TOP3B: variants seen among roughly 807,000 people sequenced by gnomAD.
TOP3B encodes DNA topoisomerase 3-beta-1.
TOP3B carries 45 observed loss-of-function variants against 93.9 expected under a neutral mutation model. The ratio of observed to expected loss-of-function variants is 0.48; its 90% CI spans 0.38 to 0.61. TOP3B has a LOEUF of 0.61. TOP3B is among the 20% of genes least tolerant of loss of function. The pLI is 0.00. For missense variants in TOP3B, 750 were observed against 1,156.1 expected (o/e 0.65, Z 5.09); for synonymous variants, 357 against 472.6 (o/e 0.76, Z 3.17).
In TOP3B at chr22:21,962,445, C is replaced by T. The variant is rs1379173617; in HGVS notation, c.1509G>A (p.Met503Ile). ...CGCACCCACCGATGCCATGCTTCTCCATGAGCGTGATGAGCTCGGCCTCCG... is the reference window on the plus strand; with the variant it reads ...CGCACCCACCGATGCCATGCTTCTCTATGAGCGTGATGAGCTCGGCCTCCG... ...YLTEAELITL[M>I]EKHGIGTDAS... The change falls in exon 13 of 18, where the codon ATG becomes ATA. Residue 503 changes from methionine to isoleucine, a missense_variant. Coordinates refer to ENST00000357179, the MANE Select transcript of TOP3B (RefSeq NM_001282112.2). 1.2e-6 allele frequency: 2 copies of T among 1,613,694 alleles called. No individual in the cohort carries two copies. The highest frequency in any genetic ancestry group is 1.7e-6 in the Non-Finnish European group (2 of 1,180,030).
In TOP3B at chr22:21,964,058, T is replaced by G. The variant is rs768855905; in HGVS notation, c.1099-30A>C. The G allele has an allele frequency of 1.6e-5, 26 of 1,601,558 alleles. 1 individual carries two copies. In the South Asian group the frequency reaches 2.9e-4, roughly 18 times the overall value. ...GGGAGAGAAGACAGAGCAGAGTCTG[T>G]GGCTGGGCTCGGCTGCCTGCCTGGG... On this transcript the variant is annotated intron_variant, in intron 10 of 17. Coordinates refer to ENST00000357179, the MANE Select transcript of TOP3B (RefSeq NM_001282112.2).
At chr22:21,964,069 G>C (rs1225162479) in intron 10 of TOP3B, 41 bp from the exon 11 acceptor site, 2 of 1,601,070 alleles carry the variant, frequency 1.2e-6, no homozygotes, top group South Asian at 2.2e-5. Context: ...GGCTGGGCTC[G>C]GCTGCCTGCC....
At position 21,963,063 on chromosome 22, in the gene TOP3B, G is replaced by C; in HGVS notation, c.1205-170C>G. On this transcript the variant is annotated intron_variant, in intron 11 of 17. Transcript: ENST00000357179. The surrounding 1 kb of genome is among the most constrained non-coding windows in gnomAD (Gnocchi z 4.8). ...AAAATGTGCAGGAAGGCCGGGCGTG[G>C]TGGCTCATGCCTGTAATCCTAGCAC... The C allele has an allele frequency of 6.6e-6, 5 of 762,952 alleles. No homozygotes were observed. In the South Asian group the frequency reaches 7.2e-5, roughly 11 times the overall value. 47.3% of individuals were successfully genotyped at this position (762,952 alleles called of 1,614,324 possible).
chr22:21,960,453 C>A lies in TOP3B; in HGVS notation c.1526-4G>T. The A allele has an allele frequency of 1.2e-6, 2 of 1,613,268 alleles. No homozygotes were observed. Among genetic ancestry groups the A allele is most frequent in the Non-Finnish European group, 1.7e-6 (2 of 1,179,944 alleles). On this transcript the variant is annotated splice_polypyrimidine_tract_variant and splice_region_variant and intron_variant, in intron 13 of 17. Coordinates refer to ENST00000357179, the MANE Select transcript of TOP3B (RefSeq NM_001282112.2). ...ACAGGGATGCTGGCATCCGTGCCTG[C>A]AATGTACAAGGCCCCAGGGTTCCTG...
intron 4 of TOP3B, chr22:21,972,225 G>C (rs1208532925): frequency 4.1e-6 from 2 of 491,036 alleles, no homozygotes; most frequent in African/African-American, 3.9e-5. Context: ...GGGTTAAAAT[G>C]AAATAACCCT....
chr22:21,968,044 G>A (rs1424185121), intron 7 of TOP3B: 2 of 333,938 alleles, frequency 6.0e-6, no homozygotes, highest in South Asian at 6.2e-5. Context: ...TATGGCCACC[G>A]CCAGGGTCCC....
rs2071636020 is a variant in TOP3B, at chr22:21,971,463, G to C, written c.384+414C>G. Reference sequence around the variant, plus strand: ...GCAGGAGGCATCCTGGATGAGGCAGGAGATGAGCAGAGCGAGGCCTGCAAA... The same window carrying C: ...GCAGGAGGCATCCTGGATGAGGCAGCAGATGAGCAGAGCGAGGCCTGCAAA... On this transcript the variant is annotated intron_variant, in intron 5 of 17. Transcript: ENST00000357179. The surrounding 1 kb of genome is among the most constrained non-coding windows in gnomAD (Gnocchi z 4.6). The C allele has an allele frequency of 3.0e-6, 1 of 328,990 alleles. No individual in the cohort carries two copies. The highest frequency in any genetic ancestry group is 2.2e-5 in the African/African-American group (1 of 46,044). The allele number at this position is 328,990 out of a possible 1,614,324, so 20.4% of individuals were successfully genotyped here.
At chr22:21,974,331 G>A (rs375157980) in intron 3 of TOP3B, 26 bp downstream of exon 3, 122 of 1,607,320 alleles carry the variant, frequency 7.6e-5, no homozygotes, top group Admixed American at 3.5e-4. Context: ...ACTCCCTTCA[G>A]TAGGATGGAG....
At chr22:21,964,640 C>A in intron 9 of TOP3B, 1 of 398,426 alleles carries the variant, frequency 2.5e-6, no homozygotes, top group South Asian at 3.1e-5. Context: ...CAGAGCACCA[C>A]TCCCCATGCA....
At position 21,972,358 on chromosome 22, in the gene TOP3B, C is replaced by T. The variant is rs186767218; in HGVS notation, c.309+254G>A. On this transcript the variant is annotated intron_variant, in intron 4 of 17. Transcript: ENST00000357179. ...TTTGTTTTAAAATTAAGGAGAAAAA[C>T]CCCCCGACCAAACAAGCTATTTTAA... 4.8e-4 allele frequency: 220 copies of T among 462,376 alleles called. 3 individuals carry two copies. The East Asian group carries it at 6.0e-3, about 13-fold the overall frequency. 28.6% of individuals were successfully genotyped at this position (462,376 alleles called of 1,614,324 possible).
chr22:21,969,035 T>C (rs891744449), intron 6 of TOP3B: 21 of 440,838 alleles, frequency 4.8e-5, no homozygotes, highest in African/African-American at 3.9e-4. Context: ...CTATTCCATC[T>C]ACTGCACACT....
intron 8 of TOP3B, chr22:21,966,025 G>C (rs2071402397): frequency 6.6e-6 from 1 of 152,234 alleles, no homozygotes; most frequent in Non-Finnish European, 1.5e-5. Flanking sequence ...CTGTGTAGCT[G>C]AAACCACAGG....
Position 21,959,567 on chromosome 22 carries a change from A to C in TOP3B, c.1804+20T>G, listed in dbSNP as rs752067555. On this transcript the variant is annotated intron_variant, in intron 15 of 17. Transcript: ENST00000357179. ...GAGAGACACCCCTCTGGTGAGGGGC[A>C]GGCCAGAGGCAGACTCTACCAGCAA... The C allele has an allele frequency of 6.3e-7, 1 of 1,592,586 alleles. No individual in the cohort carries two copies.
Position 21,964,262 on chromosome 22 carries a change from A to T in TOP3B, c.997T>A (p.Tyr333Asn). ...GTCTCTGTCCGTGGGTAGCTGATGTAGCCTTGCGTGTAGAGCCGCTCAGCC... is the reference window on the plus strand; with the variant it reads ...GTCTCTGTCCGTGGGTAGCTGATGTTGCCTTGCGTGTAGAGCCGCTCAGCC... ...QTAERLYTQG[Y>N]ISYPRTETTH... is the part of the protein sequence containing the mutation. Residue 333 changes from tyrosine to asparagine, a missense_variant, in exon 10 of 18, where the codon TAC (tyrosine) becomes AAC (asparagine). Coordinates refer to ENST00000357179, the MANE Select transcript of TOP3B (RefSeq NM_001282112.2). The T allele has an allele frequency of 6.2e-7, 1 of 1,614,084 alleles. No homozygotes were observed. Among genetic ancestry groups the T allele is most frequent in the Non-Finnish European group, 8.5e-7 (1 of 1,179,994 alleles).
At chr22:21,960,090 CT>C in intron 14 of TOP3B, 2 of 692,988 alleles carry the variant, frequency 2.9e-6, no homozygotes, top group African/African-American at 1.8e-5. Context: ...CTTCGCCTCC[CT>C]TTTTGGTTCC....
Position 21,979,857 on chromosome 22 carries a change from T to C in TOP3B, c.-99+2873A>G, listed in dbSNP as rs950124640. Reference sequence around the variant, plus strand: ...TCGGGAGGCTGAGGCAGGAGAATGGTGTGAACCCGGGAAGCGGAGCTTGCA... The same window carrying C: ...TCGGGAGGCTGAGGCAGGAGAATGGCGTGAACCCGGGAAGCGGAGCTTGCA... On this transcript the variant is annotated intron_variant, in intron 1 of 17. Transcript: ENST00000357179. 4.1e-5 allele frequency among the ~76,000 whole-genome samples: 6 copies of C among 145,008 alleles called. No homozygotes were observed. The South Asian group carries it at 6.4e-4, about 16-fold the overall frequency.
chr22:21,974,454 G>A lies in TOP3B; in HGVS notation c.105C>T (p.Ala35=), dbSNP rs930440136. ...TCCCAGTGTACTCGTGGACTGAGCA[G>A]GCCCCGTTCAGCCCTTTGTGTGAGG... ...SLSSHKGLNG[A]CSVHEYTGTF... is the part of the protein sequence containing the mutation. Residue 35 remains alanine, a synonymous_variant, in exon 3 of 18, where the codon GCC becomes GCT. Transcript: ENST00000357179. The A allele has an allele frequency of 6.2e-7, 1 of 1,613,550 alleles. No homozygotes were observed. The highest frequency in any genetic ancestry group is 8.5e-7 in the Non-Finnish European group (1 of 1,179,698).
intron 2 of TOP3B, 158 bp from the exon 3 acceptor site, chr22:21,974,646 TGA>T: frequency 5.2e-6 from 4 of 775,956 alleles, no homozygotes; most frequent in Non-Finnish European, 6.0e-6. Context: ...AGTTGGGCAC[TGA>T]GAGGTGGGAC....
intron 3 of TOP3B, 68 bp from the exon 4 acceptor site, chr22:21,972,786 G>A (rs2071695115): frequency 1.5e-6 from 2 of 1,332,098 alleles, no homozygotes; most frequent in South Asian, 2.4e-5. Context: ...AACCCCAGGA[G>A]GATGTTGGCC....
Sources: gnomAD v4.1 joint callset for allele counts (sites outside exome capture counted in the v4.1 genomes callset) on GRCh38, gnomAD v4.1.1 for gene constraint, Gnocchi (gnomAD v3.1) non-coding constraint, MANE v1.5 for transcripts, NCBI Gene and HGNC (gene_info 2026-07-23, HGNC 2026-07-21) for gene names.